The following SYN3 variants were observed in gnomAD, a reference collection of about 807,000 sequenced individuals.
SYN3 encodes the protein synapsin III.
Under a neutral mutation model 65.8 loss-of-function variants are expected in SYN3, and 35 were observed. That is an observed-to-expected ratio of 0.53 (90% confidence interval 0.41 to 0.70). The LOEUF is 0.70. Ranked by LOEUF, SYN3 falls within the 30% of genes least tolerant of loss-of-function variation. SYN3 has a pLI of 0.00. For synonymous variants in SYN3, 270 were observed against 292.9 expected, an observed-to-expected ratio of 0.92 and a Z score of 0.80; for missense variants, 680 against 749.0, an observed-to-expected ratio of 0.91 and a Z score of 1.08.
chr22:32,949,680 AAG>A (rs1426809565), intron 3 of SYN3, among the ~76,000 whole-genome samples: 1 of 152,168 alleles, frequency 6.6e-6, no homozygotes, highest in African/African-American at 2.4e-5. Flanking sequence ...ATATTACTGA[AAG>A]CACGGGGTAT....
At chr22:32,889,561 T>C (rs953598630) in intron 4 of SYN3, among the ~76,000 whole-genome samples, 2 of 152,196 alleles carry the variant, frequency 1.3e-5, no homozygotes, top group Non-Finnish European at 2.9e-5. Flanking sequence ...GTAAAGATAA[T>C]GTTTACACGT....
intron 1 of SYN3, among the ~76,000 whole-genome samples, chr22:33,050,096 T>C (rs2054137879): frequency 6.6e-6 from 1 of 150,836 alleles, no homozygotes; most frequent in Non-Finnish European, 1.5e-5. Context: ...AGACAGGGAG[T>C]CTTTGTGTCC....
At chr22:33,014,021 C>T (rs369174501) in intron 1 of SYN3, among the ~76,000 whole-genome samples, 25 of 150,156 alleles carry the variant, frequency 1.7e-4, no homozygotes, top group African/African-American at 5.2e-4. Context: ...TCTCCCACCT[C>T]GGCCTCCAGA....
chr22:32,644,458 G>A (rs575403556), intron 6 of SYN3, among the ~76,000 whole-genome samples: 11 of 152,122 alleles, frequency 7.2e-5, no homozygotes, highest in Admixed American at 6.5e-4. Flanking sequence ...GTCCTGCCAC[G>A]TGAGTGTCAG....
At chr22:32,931,163 C>T in intron 4 of SYN3, 1 of 436,642 alleles carries the variant, frequency 2.3e-6, no homozygotes, top group South Asian at 3.3e-5. Flanking sequence ...GAACCCAAGT[C>T]TTTTCTCTCC....
chr22:32,766,137 AT>A (rs1161381480), intron 6 of SYN3, among the ~76,000 whole-genome samples: 1 of 152,154 alleles, frequency 6.6e-6, no homozygotes, highest in Admixed American at 6.5e-5. Flanking sequence ...TCTGCCCGAC[AT>A]GGGGAGAAAG....
At chr22:32,680,808 T>C (rs1446863115) in intron 6 of SYN3, among the ~76,000 whole-genome samples, 1 of 152,238 alleles carries the variant, frequency 6.6e-6, no homozygotes, top group Non-Finnish European at 1.5e-5. Context: ...ATTTCCAAAC[T>C]TAGTTTTTCC....
chr22:32,671,443 ACC>A (rs1451871805), intron 6 of SYN3, among the ~76,000 whole-genome samples: 1 of 151,364 alleles, frequency 6.6e-6, no homozygotes, highest in Non-Finnish European at 1.5e-5. Flanking sequence ...CTAAAAACAC[ACC>A]CTCCCTCACA....
chr22:32,665,489 G>GTATATATA (rs130731), intron 6 of SYN3, among the ~76,000 whole-genome samples: 2 of 141,360 alleles, frequency 1.4e-5, no homozygotes, highest in East Asian at 2.0e-4. Flanking sequence ...CACAGTGTGT[G>GTATATATA]TATATATATA....
chr22:32,853,762 T>A (rs866670765), intron 6 of SYN3, among the ~76,000 whole-genome samples: 8 of 152,374 alleles, frequency 5.3e-5, no homozygotes, highest in Admixed American at 1.3e-4. Flanking sequence ...CTAAGCTAAC[T>A]TTTATTGAAT....
chr22:32,525,049 C>T (rs555787523), intron 12 of SYN3, among the ~76,000 whole-genome samples: 23 of 152,272 alleles, frequency 1.5e-4, no homozygotes, highest in African/African-American at 5.3e-4. Context: ...CTATAGTTGC[C>T]ATAGACAGTG....
rs111758963 is a variant in SYN3, at chr22:33,046,408, G to T, written c.-163+11884C>A. On this transcript the variant is annotated intron_variant, in intron 1 of 13. Coordinates refer to ENST00000358763, the MANE Select transcript of SYN3 (RefSeq NM_003490.4). ...AATACAAATGTTTATAGCAGCTTTA[G>T]TCACAATCCTTAAAAACTAGAAACA... Among the ~76,000 whole-genome samples the T allele has an allele frequency of 6.0e-4, 92 of 152,286 alleles. 1 individual carries two copies. The Middle Eastern group carries it at 0.014, about 23-fold the overall frequency.
intron 6 of SYN3, among the ~76,000 whole-genome samples, chr22:32,674,010 C>T (rs1207327299): frequency 1.3e-5 from 2 of 151,960 alleles, no homozygotes; most frequent in South Asian, 2.1e-4. Context: ...GGGATAAAGG[C>T]GGGGAGGCTG....
chr22:32,780,479 C>A (rs1251745084), intron 6 of SYN3, among the ~76,000 whole-genome samples: 2 of 152,146 alleles, frequency 1.3e-5, no homozygotes, highest in African/African-American at 4.8e-5. Flanking sequence ...GTATTTTCTA[C>A]CTGTGTTATC....
At chr22:32,739,964 T>C (rs1360745541) in intron 6 of SYN3, among the ~76,000 whole-genome samples, 2 of 152,170 alleles carry the variant, frequency 1.3e-5, no homozygotes, top group African/African-American at 4.8e-5. Context: ...GGGTTCAACT[T>C]TGGAAGACAT....
At chr22:32,750,729 C>T (rs1205174069) in intron 6 of SYN3, among the ~76,000 whole-genome samples, 2 of 152,130 alleles carry the variant, frequency 1.3e-5, no homozygotes, top group African/African-American at 4.8e-5. Flanking sequence ...CTGGAGGGAT[C>T]TGGACCTTGG....
chr22:32,928,899 A>G (rs985116435), intron 4 of SYN3, among the ~76,000 whole-genome samples: 12 of 152,112 alleles, frequency 7.9e-5, no homozygotes, highest in Non-Finnish European at 7.3e-5. Context: ...TCATTTCATA[A>G]ACGCTTTTTC....
At chr22:32,716,967 T>C (rs1199598648) in intron 6 of SYN3, among the ~76,000 whole-genome samples, 1 of 152,162 alleles carries the variant, frequency 6.6e-6, no homozygotes, top group Non-Finnish European at 1.5e-5. Flanking sequence ...AACTGTTTCA[T>C]CTCCACAAAC....
intron 7 of SYN3, among the ~76,000 whole-genome samples, chr22:32,579,235 A>G (rs1409061865): frequency 6.6e-6 from 1 of 152,204 alleles, no homozygotes; most frequent in African/African-American, 2.4e-5. Context: ...CAAATCCATC[A>G]GTATTTGTTG....
Sources: gnomAD v4.1 joint callset for allele counts (sites outside exome capture counted in the v4.1 genomes callset) on GRCh38, gnomAD v4.1.1 for gene constraint, MANE v1.5 for transcripts, NCBI Gene and HGNC (gene_info 2026-07-23, HGNC 2026-07-21) for gene names.